NAPB: variants seen among roughly 807,000 people sequenced by gnomAD.
The protein encoded by NAPB is beta-soluble NSF attachment protein.
NAPB carries 26 observed loss-of-function variants against 44.7 expected under a neutral mutation model. That is an observed-to-expected ratio of 0.58 (90% CI 0.43 to 0.81). The LOEUF (loss-of-function observed/expected upper bound fraction) is 0.81. NAPB is among the 30% of genes least tolerant of loss of function. The probability of loss-of-function intolerance (pLI) is 0.00; values close to 1 mark genes in which losing one functional copy is unlikely to be tolerated. For missense variants in NAPB, 315 were observed against 356.4 expected, an observed-to-expected ratio of 0.88 and a Z score of 0.94; for synonymous variants, 120 against 116.8, an observed-to-expected ratio of 1.03 and a Z score of -0.18.
intron 7 of NAPB, among the ~76,000 whole-genome samples, chr20:23,385,712 G>A (rs1469898202): frequency 1.2e-4 from 5 of 43,032 alleles, no homozygotes; most frequent in Non-Finnish European, 2.3e-4. Flanking sequence ...GACTCTGTCT[G>A]AAAGAAGAGA....
chr20:23,417,660 A>G (rs917016295), intron 1 of NAPB, among the ~76,000 whole-genome samples: 25 of 152,216 alleles, frequency 1.6e-4, no homozygotes, highest in Non-Finnish European at 2.6e-4. Context: ...TAAACGTACT[A>G]TACTACAAAC....
intron 1 of NAPB, among the ~76,000 whole-genome samples, chr20:23,418,821 G>T (rs1182775692): frequency 6.6e-6 from 1 of 151,756 alleles, no homozygotes; most frequent in Non-Finnish European, 1.5e-5. Context: ...GTGGCGGGTG[G>T]CTGTAATCCC....
intron 1 of NAPB, among the ~76,000 whole-genome samples, chr20:23,410,324 A>G (rs975806787): frequency 2.0e-5 from 3 of 152,214 alleles, no homozygotes; most frequent in African/African-American, 7.2e-5. Flanking sequence ...TCACAGAAAC[A>G]CATGCTATTG....
intron 1 of NAPB, among the ~76,000 whole-genome samples, chr20:23,412,975 G>A (rs1037460955): frequency 1.4e-4 from 21 of 152,224 alleles, no homozygotes; most frequent in African/African-American, 4.3e-4. Flanking sequence ...GGGCAACAGC[G>A]TGAGACTCTG....
At chr20:23,409,318 C>A (rs2424543) in intron 1 of NAPB, among the ~76,000 whole-genome samples, 68,881 of 152,066 alleles carry the variant, frequency 0.45, 15,905 homozygotes, top group East Asian at 0.71. Flanking sequence ...ACATTTAAGG[C>A]CTGTGACCAA....
At chr20:23,400,342 C>G in intron 2 of NAPB, among the ~76,000 whole-genome samples, 1 of 152,130 alleles carries the variant, frequency 6.6e-6, no homozygotes, top group South Asian at 2.1e-4. Flanking sequence ...CATGGAGAAA[C>G]CCCATCTCTA....
At chr20:23,412,684 T>G (rs1307154844) in intron 1 of NAPB, among the ~76,000 whole-genome samples, 2 of 152,208 alleles carry the variant, frequency 1.3e-5, no homozygotes, top group Non-Finnish European at 2.9e-5. Context: ...AAGAGGGATC[T>G]CTATCAAAAT....
chr20:23,420,423 C>T (rs1006991070), intron 1 of NAPB, among the ~76,000 whole-genome samples: 7 of 150,280 alleles, frequency 4.7e-5, no homozygotes, highest in Non-Finnish European at 8.9e-5. Context: ...GTGTACTCGG[C>T]GCAAGGCCCC....
At chr20:23,394,822 C>G in intron 5 of NAPB, 100 bp downstream of exon 5, 1 of 1,204,616 alleles carries the variant, frequency 8.3e-7, no homozygotes, top group Non-Finnish European at 1.2e-6. Context: ...CATCTATGAC[C>G]ACTCTACACC....
chr20:23,416,082 T>G (rs1600604397), intron 1 of NAPB, among the ~76,000 whole-genome samples: 2 of 152,320 alleles, frequency 1.3e-5, no homozygotes, highest in South Asian at 4.1e-4. Flanking sequence ...GCATTTGTAT[T>G]AGCATTAATA....
At chr20:23,383,865 T>C (rs976457841) in intron 7 of NAPB, among the ~76,000 whole-genome samples, 11 of 152,208 alleles carry the variant, frequency 7.2e-5, no homozygotes, top group African/African-American at 2.7e-4. Flanking sequence ...TCTAAATGTA[T>C]GCAGAGGAAA....
At position 23,383,757 on chromosome 20, in the gene NAPB, A is replaced by G. The variant is rs565531349; in HGVS notation, c.562-2440T>C. 9.8e-4 allele frequency among the ~76,000 whole-genome samples: 150 copies of G among 152,356 alleles called. 1 individual carries two copies. Among genetic ancestry groups the G allele is most frequent in the African/African-American group, 3.5e-3 (145 of 41,598 alleles). ...GAACATCCAGAAGAAAGAACATGGT[A>G]AGCAAAAATATGGGTAAATATAACA... is the stretch of plus-strand genomic sequence containing the variant. On this transcript the variant is annotated intron_variant, in intron 7 of 10. Transcript: ENST00000377026.
chr20:23,374,654 T>C lies in NAPB; in HGVS notation c.*2722A>G, dbSNP rs1004041350. On this transcript the variant is annotated 3_prime_UTR_variant, in exon 11 of 11. Coordinates refer to ENST00000377026, the MANE Select transcript of NAPB (RefSeq NM_022080.3). ...CATAGCTCATACCACAGCAGGCAGGTCACGGGGGCATGCTGTGCTGCCAAG... is the reference window on the plus strand; with the variant it reads ...CATAGCTCATACCACAGCAGGCAGGCCACGGGGGCATGCTGTGCTGCCAAG... The C allele has an allele frequency of 6.6e-6, 1 of 152,084 alleles. No homozygotes were observed. Among genetic ancestry groups the C allele is most frequent in the African/African-American group, 2.4e-5 (1 of 41,404 alleles). 9.4% of individuals were successfully genotyped at this position (152,084 alleles called of 1,614,324 possible).
intron 1 of NAPB, among the ~76,000 whole-genome samples, chr20:23,417,405 T>C (rs1986084758): frequency 6.6e-6 from 1 of 152,204 alleles, no homozygotes; most frequent in South Asian, 2.1e-4. Flanking sequence ...TCTTAAGCAC[T>C]TTCTTCTATG....
intron 8 of NAPB, among the ~76,000 whole-genome samples, chr20:23,380,362 G>A (rs1428018527): frequency 1.3e-5 from 2 of 152,096 alleles, no homozygotes; most frequent in African/African-American, 2.4e-5. Flanking sequence ...CCATGCCAAG[G>A]CTGCCTGTCT....
rs532411191 is a variant in NAPB at position 23,377,464 on chromosome 20, G to C, written c.809C>G (p.Ser270Cys). Reference sequence around the variant, plus strand: ...GGTGGTCAGCCACTGATCCAAGCGAGATATTGAGTCAAATTCCTTCACCTA... The same window carrying C: ...GGTGGTCAGCCACTGATCCAAGCGACATATTGAGTCAAATTCCTTCACCTA... Reference protein sequence around the residue: ...TEAVKEFDSISRLDQWLTTML... With the variant: ...TEAVKEFDSICRLDQWLTTML... The change falls in exon 11 of 11, where the codon TCT (serine) becomes TGT (cysteine). Residue 270 changes from serine to cysteine, a missense_variant. Physicochemically the swap from Ser to Cys is moderately radical, Grantham distance 112 (BLOSUM62 -1). Transcript: ENST00000377026. 2 of 1,600,860 alleles carry C rather than the reference G, an allele frequency of 1.2e-6. No individual in the cohort carries two copies. Among genetic ancestry groups the C allele is most frequent in the Admixed American group, 1.7e-5 (1 of 59,382 alleles).
At chr20:23,415,409 C>G (rs934243139) in intron 1 of NAPB, among the ~76,000 whole-genome samples, 1 of 152,020 alleles carries the variant, frequency 6.6e-6, no homozygotes, top group Non-Finnish European at 1.5e-5. Context: ...GCCTGGCCAA[C>G]ATGGTGAAAC....
chr20:23,403,615 A>AAAAAAAAAAAAAAT (rs1444142463), intron 1 of NAPB, among the ~76,000 whole-genome samples: 5 of 151,614 alleles, frequency 3.3e-5, no homozygotes, highest in Admixed American at 2.0e-4. Flanking sequence ...AAAAAAAAAA[A>AAAAAAAAAAAAAAT]GACTCAAACA....
At chr20:23,413,321 G>A (rs1011951195) in intron 1 of NAPB, among the ~76,000 whole-genome samples, 6 of 151,576 alleles carry the variant, frequency 4.0e-5, no homozygotes, top group Non-Finnish European at 8.8e-5. Flanking sequence ...TTGCAACAAA[G>A]GGGAAACAAA....
Sources: gnomAD v4.1 joint callset for allele counts (sites outside exome capture counted in the v4.1 genomes callset) on GRCh38, gnomAD v4.1.1 for gene constraint, MANE v1.5 for transcripts, NCBI Gene and HGNC (gene_info 2026-07-23, HGNC 2026-07-21) for gene names.